The following PHACTR1 variants were observed in gnomAD, a reference collection of about 807,000 sequenced individuals.
The protein encoded by PHACTR1 is RPEL repeat containing 1.
PHACTR1 carries 16 observed loss-of-function variants against 69.2 expected under a neutral mutation model. The observed-to-expected ratio is 0.23, with a 90% CI of 0.16 to 0.35. PHACTR1 has a LOEUF of 0.35. Among genes scored for constraint, PHACTR1 ranks in the 10% least tolerant of loss-of-function variants. The pLI, the probability that PHACTR1 is intolerant of heterozygous loss-of-function variation, is 1.00. For synonymous variants in PHACTR1, 312 were observed against 284.5 expected (o/e 1.10, Z -0.97); for missense variants, 510 against 734.7 (o/e 0.69, Z 3.54).
At position 12,761,113 on chromosome 6, in the gene PHACTR1, TG is replaced by T. The variant is rs548697738; in HGVS notation, c.250+11325del. ...CTGAACCTCTGAAACTTGTAACGTG[TG>T]GATAACACTTTCTGCCTAATTTTCA... On this transcript the variant is annotated intron_variant, in intron 4 of 14. Coordinates refer to ENST00000332995, the MANE Select transcript of PHACTR1 (RefSeq NM_030948.6). Among the ~76,000 whole-genome samples the T allele has an allele frequency of 2.1e-4, 32 of 152,340 alleles. 1 individual carries two copies. In the East Asian group the frequency reaches 5.8e-3, roughly 28 times the overall value.
intron 5 of PHACTR1, among the ~76,000 whole-genome samples, chr6:13,070,408 C>T (rs969027183): frequency 1.1e-4 from 17 of 152,220 alleles, no homozygotes; most frequent in South Asian, 2.1e-4. Context: ...TGGCTCTCAG[C>T]GCCCCAGCAG....
chr6:13,172,697 GC>G (rs1471767981), intron 6 of PHACTR1, among the ~76,000 whole-genome samples: 1 of 152,206 alleles, frequency 6.6e-6, no homozygotes, highest in Non-Finnish European at 1.5e-5. Context: ...AGAAGGAGAA[GC>G]CTATTAAAAT....
At chr6:12,735,016 T>C (rs146918386) in intron 3 of PHACTR1, among the ~76,000 whole-genome samples, 2,122 of 152,292 alleles carry the variant, frequency 0.014, 20 homozygotes, top group Middle Eastern at 0.031. Context: ...ACAAACACAC[T>C]ATCTGACAGT....
intron 4 of PHACTR1, among the ~76,000 whole-genome samples, chr6:12,868,999 AG>A (rs1429850892): frequency 2.8e-4 from 43 of 152,204 alleles, no homozygotes; most frequent in African/African-American, 9.9e-4. Flanking sequence ...CTTGGGTAGC[AG>A]GTCCTTGTGA....
In PHACTR1 at chr6:12,871,461, C is replaced by G. The variant is rs574217079; in HGVS notation, c.250+121671C>G. Among the ~76,000 whole-genome samples, 6 of 152,268 alleles carry G rather than the reference C, an allele frequency of 3.9e-5. No individual in the cohort carries two copies. In the East Asian group the frequency reaches 1.2e-3, roughly 29 times the overall value. On this transcript the variant is annotated intron_variant, in intron 4 of 14. Transcript: ENST00000332995. ...AAGTCTCAATGTATGAGAGTTCCCC[C>G]TTTGATTATGTGGTTTGTTATGGAA...
intron 4 of PHACTR1, among the ~76,000 whole-genome samples, chr6:12,870,473 G>A (rs1169042358): frequency 6.6e-6 from 1 of 152,140 alleles, no homozygotes; most frequent in Non-Finnish European, 1.5e-5. Flanking sequence ...ATTTTTACTA[G>A]AAAATGTCAG....
chr6:12,842,651 C>A (rs1537336), intron 4 of PHACTR1, among the ~76,000 whole-genome samples: 28,083 of 152,024 alleles, frequency 0.18, 2,760 homozygotes, highest in African/African-American at 0.25. Flanking sequence ...AGGTGATCCT[C>A]CCACCTCAGC....
At position 13,267,663 on chromosome 6, in the gene PHACTR1, T is replaced by TGCAA. The variant is rs1776954051; in HGVS notation, c.1392-5194_1392-5193insAGCA. On this transcript the variant is annotated intron_variant, in intron 10 of 14. Coordinates refer to ENST00000332995, the MANE Select transcript of PHACTR1 (RefSeq NM_030948.6). ...ACCTTGCACATTGTAATCACAGATG[T>TGCAA]GCACCTCTAGGCTGTGAGCCGCTTA... 3.3e-5 allele frequency: 5 copies of TGCAA among 152,238 alleles called. 1 individual carries two copies. The South Asian group carries it at 1.0e-3, about 32-fold the overall frequency. The allele number at this position is 152,238 out of a possible 1,614,324, so 9.4% of individuals were successfully genotyped here.
At chr6:13,286,261 A>C in intron 14 of PHACTR1, 39 bp downstream of exon 14, 2 of 1,478,180 alleles carry the variant, frequency 1.4e-6, no homozygotes, top group Admixed American at 4.8e-5. Flanking sequence ...TTTTTCCCTC[A>C]AGTTGCAATA....
intron 5 of PHACTR1, among the ~76,000 whole-genome samples, chr6:13,157,066 A>G (rs1432583899): frequency 6.6e-6 from 1 of 152,192 alleles, no homozygotes; most frequent in Non-Finnish European, 1.5e-5. Flanking sequence ...AACATGGTCC[A>G]TGAGGCCTTT....
At chr6:13,191,371 A>G (rs9369917) in intron 7 of PHACTR1, among the ~76,000 whole-genome samples, 52,458 of 152,096 alleles carry the variant, frequency 0.34, 9,737 homozygotes, top group East Asian at 0.61. Flanking sequence ...CCCTAGAGAC[A>G]GGAGGCACGG....
chr6:13,209,602 T>C (rs1766491935), intron 8 of PHACTR1, among the ~76,000 whole-genome samples: 1 of 152,232 alleles, frequency 6.6e-6, no homozygotes, highest in African/African-American at 2.4e-5. Flanking sequence ...CATCAATGCC[T>C]GACACTGGAC....
In PHACTR1 at chr6:13,049,772, C is replaced by A. The variant is rs185560593; in HGVS notation, c.251-3593C>A. On this transcript the variant is annotated intron_variant, in intron 4 of 14. Coordinates refer to ENST00000332995, the MANE Select transcript of PHACTR1 (RefSeq NM_030948.6). ...ATAGGTTATTTCATGGAGGAAAAAA[C>A]TTGAATAAGTGATTCTTGGCCTTGT... Among the ~76,000 whole-genome samples the A allele has an allele frequency of 8.6e-3, 1,302 of 152,270 alleles. 13 individuals carry two copies. Among genetic ancestry groups the A allele is most frequent in the Admixed American group, 0.01 (158 of 15,302 alleles).
chr6:12,733,034 G>A (rs1215457688), intron 3 of PHACTR1, among the ~76,000 whole-genome samples: 1 of 152,156 alleles, frequency 6.6e-6, no homozygotes, highest in Non-Finnish European at 1.5e-5. Context: ...TCTATATTGG[G>A]TGGTTCTTCC....
intron 6 of PHACTR1, among the ~76,000 whole-genome samples, chr6:13,161,273 C>T (rs1311444835): frequency 5.3e-5 from 8 of 152,188 alleles, no homozygotes; most frequent in Non-Finnish European, 8.8e-5. Context: ...CCACCGCGCC[C>T]GGCCTTTGCA....
At chr6:12,896,078 C>A (rs977923017) in intron 4 of PHACTR1, among the ~76,000 whole-genome samples, 1 of 152,226 alleles carries the variant, frequency 6.6e-6, no homozygotes, top group Non-Finnish European at 1.5e-5. Flanking sequence ...ACCCTTCAAA[C>A]CTACTTTAGG....
intron 10 of PHACTR1, among the ~76,000 whole-genome samples, chr6:13,244,516 A>T (rs1773316547): frequency 1.3e-5 from 2 of 152,228 alleles, no homozygotes; most frequent in Admixed American, 1.3e-4. Flanking sequence ...CATAAGAGAC[A>T]GGTACGCCCC....
chr6:13,225,215 T>C (rs937523323), intron 8 of PHACTR1, among the ~76,000 whole-genome samples: 3 of 152,236 alleles, frequency 2.0e-5, no homozygotes, highest in Non-Finnish European at 2.9e-5. Context: ...TATTTATTAA[T>C]AGAATGTTTT....
At chr6:13,106,768 A>AT (rs536143696) in intron 5 of PHACTR1, among the ~76,000 whole-genome samples, 43 of 151,794 alleles carry the variant, frequency 2.8e-4, no homozygotes, top group Non-Finnish European at 5.7e-4. Flanking sequence ...ATATTGCCCA[A>AT]TTTTTTTTCA....
Sources: gnomAD v4.1 joint callset for allele counts (sites outside exome capture counted in the v4.1 genomes callset) on GRCh38, gnomAD v4.1.1 for gene constraint, MANE v1.5 for transcripts, NCBI Gene and HGNC (gene_info 2026-07-23, HGNC 2026-07-21) for gene names.